GOLM1: variants seen among roughly 807,000 people sequenced by gnomAD.
GOLM1 encodes epididymis luminal protein 46.
A neutral mutation model predicts 50.5 loss-of-function variants in GOLM1; 31 were observed. That is an observed-to-expected ratio of 0.61 (90% CI 0.46 to 0.83). The LOEUF is 0.83. Ranked by LOEUF, GOLM1 falls within the 40% of genes least tolerant of loss-of-function variation. The pLI, the probability that GOLM1 is intolerant of heterozygous loss-of-function variation, is 0.00. For missense variants in GOLM1, 491 were observed against 501.3 expected (o/e 0.98, Z 0.20); for synonymous variants, 178 against 192.8 (o/e 0.92, Z 0.64).
chr9:86,031,343 T>C (rs1832974193), intron 9 of GOLM1, among the ~76,000 whole-genome samples: 1 of 152,056 alleles, frequency 6.6e-6, no homozygotes, highest in African/African-American at 2.4e-5. Context: ...TTAAAAGCAG[T>C]TACCCTCAGA....
chr9:86,027,479 G>C lies in GOLM1; in HGVS notation c.*338C>G. 1.8e-6 allele frequency: 2 copies of C among 1,099,514 alleles called. No homozygotes were observed. The highest frequency in any genetic ancestry group is 2.2e-6 in the Non-Finnish European group (2 of 902,106). 68.1% of individuals were successfully genotyped at this position (1,099,514 alleles called of 1,614,324 possible). On this transcript the variant is annotated 3_prime_UTR_variant, in exon 10 of 10. Transcript: ENST00000388712. ...CAGATGGACTCTTCTATAGGTGGCT[G>C]TTAATTTACACAAAGTTATATTCCA...
chr9:86,096,288 T>C (rs1451466141), intron 1 of GOLM1, among the ~76,000 whole-genome samples: 1 of 151,660 alleles, frequency 6.6e-6, no homozygotes. Flanking sequence ...AACAGAACCA[T>C]GCCCATTCAT....
chr9:86,042,600 C>A (rs1317671180), intron 5 of GOLM1, among the ~76,000 whole-genome samples: 1 of 152,154 alleles, frequency 6.6e-6, no homozygotes, highest in Non-Finnish European at 1.5e-5. Context: ...ACAATTCTCA[C>A]AAATATACAA....
intron 1 of GOLM1, among the ~76,000 whole-genome samples, chr9:86,089,339 C>T (rs1835100455): frequency 6.6e-6 from 1 of 152,144 alleles, no homozygotes; most frequent in South Asian, 2.1e-4. Flanking sequence ...TGGATAATAT[C>T]CTGAAGAGTG....
chr9:86,044,129 C>G (rs922713482), intron 5 of GOLM1, among the ~76,000 whole-genome samples: 2 of 152,202 alleles, frequency 1.3e-5, no homozygotes, highest in Non-Finnish European at 2.9e-5. Flanking sequence ...TCCCTGACCT[C>G]TACCCACTAG....
At chr9:86,070,579 AAAAC>A (rs891955890) in intron 3 of GOLM1, among the ~76,000 whole-genome samples, 3 of 151,806 alleles carry the variant, frequency 2.0e-5, no homozygotes, top group Non-Finnish European at 4.4e-5. Flanking sequence ...TCAAAAAAAA[AAAAC>A]AAAAAAAACC....
intron 1 of GOLM1, among the ~76,000 whole-genome samples, chr9:86,084,300 G>A (rs563219005): frequency 6.6e-6 from 1 of 152,196 alleles, no homozygotes; most frequent in Non-Finnish European, 1.5e-5. Context: ...GGGAAAAACA[G>A]TTCTATTACA....
chr9:86,067,320 G>A (rs1834335474), intron 3 of GOLM1, among the ~76,000 whole-genome samples: 1 of 152,230 alleles, frequency 6.6e-6, no homozygotes. Context: ...ACCTTTACAA[G>A]TGAATCTCCA....
At chr9:86,081,815 T>C (rs1004891817) in intron 1 of GOLM1, among the ~76,000 whole-genome samples, 18 of 150,142 alleles carry the variant, frequency 1.2e-4, no homozygotes, top group Non-Finnish European at 7.4e-5. Context: ...CTTGAACCCA[T>C]GAGGCGGAGC....
chr9:86,033,397 T>G lies in GOLM1; in HGVS notation c.1016-2A>C. Reference sequence around the variant, plus strand: ...CTCTCAGTTTCTGCTGGTTTCTCCCTGTAAAATTAGCACATAAAACATAAG... The same window carrying G: ...CTCTCAGTTTCTGCTGGTTTCTCCCGGTAAAATTAGCACATAAAACATAAG... On this transcript the variant is annotated splice_acceptor_variant, in intron 8 of 9. Coordinates refer to ENST00000388712, the MANE Select transcript of GOLM1 (RefSeq NM_016548.4). LOFTEE classifies it high-confidence loss of function. The G allele has an allele frequency of 6.4e-7, 1 of 1,557,210 alleles. No homozygotes were observed. Among genetic ancestry groups the G allele is most frequent in the Non-Finnish European group, 8.9e-7 (1 of 1,128,030 alleles).
intron 3 of GOLM1, 63 bp downstream of exon 3, chr9:86,077,349 G>T: frequency 7.5e-7 from 1 of 1,341,082 alleles, no homozygotes; most frequent in Non-Finnish European, 1.1e-6. Context: ...CCGCCAAGAA[G>T]AAACAGACAA....
rs34420567 is a variant in GOLM1 at position 86,093,375 on chromosome 9, C to CAAAAAA, written c.-22+6030_-22+6035dup. Among the ~76,000 whole-genome samples the CAAAAAA allele has an allele frequency of 4.6e-5, 5 of 109,336 alleles. No individual in the cohort carries two copies. The Admixed American group carries it at 5.2e-4, about 11-fold the overall frequency. 71.7% of individuals were successfully genotyped at this position (109,336 alleles called of 152,430 possible). A position where few individuals can be genotyped will look rare whatever the true frequency, so the allele number is the denominator to read the frequency against. ...TGAGTGACAGAGCGAGATTCTGCCT[C>CAAAAAA]AAAAAAAAAAAAAAAAAAAGAAACA... is the stretch of plus-strand genomic sequence containing the variant. On this transcript the variant is annotated intron_variant, in intron 1 of 9. Transcript: ENST00000388712.
intron 3 of GOLM1, among the ~76,000 whole-genome samples, chr9:86,070,226 C>A: frequency 6.6e-6 from 1 of 152,192 alleles, no homozygotes; most frequent in East Asian, 1.9e-4. Context: ...AAAACTGCAA[C>A]TGCTTTAGCC....
At chr9:86,071,014 A>G (rs1239626631) in intron 3 of GOLM1, among the ~76,000 whole-genome samples, 2 of 151,950 alleles carry the variant, frequency 1.3e-5, no homozygotes, top group African/African-American at 2.4e-5. Flanking sequence ...TCTTTTGACC[A>G]TGACCCACAA....
At chr9:86,045,058 C>G (rs1192618019) in intron 5 of GOLM1, among the ~76,000 whole-genome samples, 3 of 152,110 alleles carry the variant, frequency 2.0e-5, no homozygotes, top group Non-Finnish European at 4.4e-5. Context: ...GCATGTCTAT[C>G]TAATTTTACT....
At chr9:86,060,568 G>A (rs779670463) in intron 3 of GOLM1, among the ~76,000 whole-genome samples, 1 of 152,074 alleles carries the variant, frequency 6.6e-6, no homozygotes, top group Non-Finnish European at 1.5e-5. Flanking sequence ...ACATGATTAT[G>A]TTTTGTGGGT....
In GOLM1 at chr9:86,063,231, T is replaced by A. The variant is rs539240127; in HGVS notation, c.310-10640A>T. ...CAGCACCAGCAATCTGGATATTCGT[T>A]CCCTGGCTGTTCTTTAACCAGCCAG... On this transcript the variant is annotated intron_variant, in intron 3 of 9. Transcript: ENST00000388712. Among the ~76,000 whole-genome samples the A allele has an allele frequency of 1.1e-4, 17 of 152,318 alleles. No homozygotes were observed. The South Asian group carries it at 3.1e-3, about 28-fold the overall frequency.
chr9:86,035,679 A>G, intron 7 of GOLM1, 54 bp from the exon 8 acceptor site: 8 of 1,460,804 alleles, frequency 5.5e-6, no homozygotes, highest in Non-Finnish European at 7.3e-6. Context: ...TTTAAAAAAA[A>G]AAAAAAAAAA....
chr9:86,049,678 G>A (rs1249094218), intron 4 of GOLM1, among the ~76,000 whole-genome samples: 2 of 152,088 alleles, frequency 1.3e-5, no homozygotes, highest in Non-Finnish European at 2.9e-5. Flanking sequence ...GTCTGTTATT[G>A]GTGTATAGGA....
Sources: allele counts gnomAD v4.1 joint callset (sites outside exome capture counted in the v4.1 genomes callset), GRCh38; gene constraint gnomAD v4.1.1; transcripts MANE v1.5; gene names NCBI Gene and HGNC (gene_info 2026-07-23, HGNC 2026-07-21).